Variants in AREG observed in about 807,000 individuals in gnomAD.
AREG encodes amphiregulin.
AREG carries 16 observed loss-of-function variants against 28.0 expected under a neutral mutation model. The observed-to-expected ratio is 0.57, with a 90% CI of 0.39 to 0.87. The LOEUF (loss-of-function observed/expected upper bound fraction) is 0.87, where lower values mean the gene tolerates loss of function less well. AREG is among the 40% of genes least tolerant of loss of function. AREG has a pLI of 0.00. For synonymous variants in AREG, 113 were observed against 113.5 expected, an observed-to-expected ratio of 1.00 and a Z score of 0.02; for missense variants, 287 against 309.1, an observed-to-expected ratio of 0.93 and a Z score of 0.53.
In AREG at chr4:74,449,258, C is replaced by T; in HGVS notation, c.512+10C>T. ...AAGCAGTAACATGCAAGTAAGTTTT[C>T]CTAAAGCATATAGAATTTTGTATTT... On this transcript the variant is annotated intron_variant, in intron 3 of 5. Coordinates refer to ENST00000395748, the MANE Select transcript of AREG (RefSeq NM_001657.4). 1.2e-6 allele frequency: 2 copies of T among 1,613,314 alleles called. No individual in the cohort carries two copies. Among genetic ancestry groups the T allele is most frequent in the Non-Finnish European group, 1.7e-6 (2 of 1,179,728 alleles).
intron 1 of AREG, among the ~76,000 whole-genome samples, 168 bp from the exon 2 acceptor site, chr4:74,446,366 C>A (rs1719286314): frequency 6.6e-6 from 1 of 152,200 alleles, no homozygotes; most frequent in East Asian, 1.9e-4. Context: ...AATTTGCTTG[C>A]TGGCAAAAAT....
At chr4:74,446,491 C>G (rs1272619116) in intron 1 of AREG, 43 bp from the exon 2 acceptor site, 5 of 1,613,814 alleles carry the variant, frequency 3.1e-6, no homozygotes. Flanking sequence ...GAAAGGCACC[C>G]TACTTTACCT....
In AREG at chr4:74,445,256, C is replaced by G; in HGVS notation, c.-90C>G. 1 of 1,556,188 alleles carries G rather than the reference C, an allele frequency of 6.4e-7. No homozygotes were observed. Among genetic ancestry groups the G allele is most frequent in the South Asian group, 1.2e-5 (1 of 84,358 alleles). ...GGCGCACACTCCCGGTCTCCACTCGCTCTTCCAACACCCGCTCGTTTTGGC... is the reference window on the plus strand; with the variant it reads ...GGCGCACACTCCCGGTCTCCACTCGGTCTTCCAACACCCGCTCGTTTTGGC... On this transcript the variant is annotated 5_prime_UTR_variant, in exon 1 of 6. Coordinates refer to ENST00000395748, the MANE Select transcript of AREG (RefSeq NM_001657.4).
chr4:74,453,410 G>A (rs901749729), intron 5 of AREG, among the ~76,000 whole-genome samples: 2 of 152,164 alleles, frequency 1.3e-5, no homozygotes, highest in African/African-American at 2.4e-5. Flanking sequence ...CATGTTGTAG[G>A]TATAAGGTAA....
chr4:74,445,422 C>T lies in AREG; in HGVS notation c.61+16C>T, dbSNP rs1337168049. 6.2e-6 allele frequency: 10 copies of T among 1,604,820 alleles called. No homozygotes were observed. The Admixed American group carries it at 1.2e-4, about 19-fold the overall frequency. ...CTCGGCTCAGGTGAGGATTCACCGG[C>T]GCTGAACTGCTGGGCTCTCCTCCCA... On this transcript the variant is annotated intron_variant, in intron 1 of 5. Transcript: ENST00000395748.
In AREG at chr4:74,446,787, G is replaced by A; in HGVS notation, c.310+5G>A. ...TTGTCGATGATTCAGTCAGAGGTGA[G>A]TAGGGGATAAAGCAAAAATATGGCC... is the stretch of plus-strand genomic sequence containing the variant. On this transcript the variant is annotated splice_donor_5th_base_variant and intron_variant, in intron 2 of 5. Transcript: ENST00000395748. 1.2e-6 allele frequency: 2 copies of A among 1,613,944 alleles called. No homozygotes were observed. The highest frequency in any genetic ancestry group is 1.7e-6 in the Non-Finnish European group (2 of 1,179,866).
At chr4:74,450,314 G>A in intron 3 of AREG, 66 bp from the exon 4 acceptor site, 1 of 1,612,572 alleles carries the variant, frequency 6.2e-7, no homozygotes, top group Non-Finnish European at 8.5e-7. Flanking sequence ...TTATGATCTG[G>A]AGAATAAGCT....
At position 74,452,761 on chromosome 4, in the gene AREG, A is replaced by G. The variant is rs1052783001; in HGVS notation, c.*18+106A>G. 4.8e-5 allele frequency: 45 copies of G among 946,030 alleles called. 1 individual carries two copies. In the East Asian group the frequency reaches 5.3e-4, roughly 11 times the overall value. 58.6% of individuals were successfully genotyped at this position (946,030 alleles called of 1,614,324 possible). On this transcript the variant is annotated intron_variant, in intron 5 of 5. Transcript: ENST00000395748. ...GGAATGTGTTCTTAATTATATATAC[A>G]CTATGAACAATGGCTATGTTAAAGT...
At chr4:74,453,588 G>A (rs1404741460) in intron 5 of AREG, among the ~76,000 whole-genome samples, 2 of 152,128 alleles carry the variant, frequency 1.3e-5, no homozygotes, top group Non-Finnish European at 2.9e-5. Context: ...TTCAGTTATT[G>A]ATTGTCTAAC....
intron 1 of AREG, 77 bp from the exon 2 acceptor site, chr4:74,446,457 T>C: frequency 6.2e-7 from 1 of 1,612,480 alleles, no homozygotes; most frequent in Non-Finnish European, 8.5e-7. Flanking sequence ...AAAGATAAAC[T>C]TTTCTACCTA....
intron 2 of AREG, among the ~76,000 whole-genome samples, chr4:74,447,453 C>T (rs1480309670): frequency 6.6e-6 from 1 of 152,116 alleles, no homozygotes; most frequent in African/African-American, 2.4e-5. Flanking sequence ...CACTCTTTAA[C>T]CCCAAATCCC....
chr4:74,446,924 A>G, intron 2 of AREG, 142 bp downstream of exon 2: 1 of 1,546,238 alleles, frequency 6.5e-7, no homozygotes, highest in Non-Finnish European at 8.8e-7. Context: ...AAACTGTGAC[A>G]AAAAGAACCA....
At chr4:74,448,810 G>C (rs1482147009) in intron 2 of AREG, 1 of 499,436 alleles carries the variant, frequency 2.0e-6, no homozygotes, top group Non-Finnish European at 3.5e-6. Context: ...CCACCTGCAA[G>C]TAGTACTCAC....
intron 5 of AREG, among the ~76,000 whole-genome samples, chr4:74,454,531 A>T (rs938807434): frequency 6.6e-6 from 1 of 152,174 alleles, no homozygotes; most frequent in African/African-American, 2.4e-5. Context: ...GTGGACTTCT[A>T]CTGAACTAGG....
In AREG at chr4:74,452,118, C is replaced by A. The variant is rs1396153413; in HGVS notation, c.666-426C>A. On this transcript the variant is annotated intron_variant, in intron 4 of 5. Transcript: ENST00000395748. ...TTAAACTAGAAGGATATATTTTATA[C>A]CTAGAAATAAATAAAGCTCAACTTG... 3.9e-5 allele frequency among the ~76,000 whole-genome samples: 6 copies of A among 152,086 alleles called. No individual in the cohort carries two copies. In the South Asian group the frequency reaches 1.2e-3, roughly 32 times the overall value.
chr4:74,449,509 G>A (rs1719346415), intron 3 of AREG, among the ~76,000 whole-genome samples: 1 of 152,194 alleles, frequency 6.6e-6, no homozygotes, highest in Non-Finnish European at 1.5e-5. Context: ...ACTTTGGGGG[G>A]CCGAGGTGGG....
intron 5 of AREG, among the ~76,000 whole-genome samples, chr4:74,454,376 T>C (rs1251363372): frequency 4.6e-5 from 7 of 152,246 alleles, no homozygotes; most frequent in African/African-American, 1.4e-4. Context: ...TTTTCCTAAA[T>C]TAACTATATA....
intron 5 of AREG, among the ~76,000 whole-genome samples, chr4:74,454,088 T>G (rs1363460728): frequency 6.6e-6 from 1 of 152,226 alleles, no homozygotes; most frequent in Non-Finnish European, 1.5e-5. Context: ...GATATTTTGT[T>G]TTTAGCCTAT....
intron 2 of AREG, among the ~76,000 whole-genome samples, chr4:74,447,317 G>T (rs1165452361): frequency 6.6e-6 from 1 of 152,126 alleles, no homozygotes; most frequent in Non-Finnish European, 1.5e-5. Context: ...GGAAGTAATG[G>T]GACAGGAGGC....
Sources: allele counts gnomAD v4.1 joint callset (sites outside exome capture counted in the v4.1 genomes callset), GRCh38; gene constraint gnomAD v4.1.1; transcripts MANE v1.5; gene names NCBI Gene and HGNC (gene_info 2026-07-23, HGNC 2026-07-21).